The following GTF2IRD2B variants were observed in gnomAD, a reference collection of about 807,000 sequenced individuals.
The protein encoded by GTF2IRD2B is general transcription factor II-I repeat domain-containing protein 2B.
A neutral mutation model predicts 55.6 loss-of-function variants in GTF2IRD2B; 10 were observed. The ratio of observed to expected loss-of-function variants is 0.18; its 90% CI spans 0.11 to 0.31. GTF2IRD2B has a LOEUF of 0.31. Ranked by LOEUF, GTF2IRD2B falls within the 10% of genes least tolerant of loss-of-function variation. The pLI is 1.00. For missense variants in GTF2IRD2B, 206 were observed against 802.7 expected (o/e 0.26, Z 8.98); for synonymous variants, 107 against 320.5 (o/e 0.33, Z 7.12).
chr7:75,123,915 G>A (rs1584539321), intron 6 of GTF2IRD2B: 1 of 334,452 alleles, frequency 3.0e-6, no homozygotes, highest in Admixed American at 4.1e-5. Context: ...GTGAGGGGAG[G>A]GAACTTAGAG....
chr7:75,138,456 G>A (rs1808918168), intron 11 of GTF2IRD2B, among the ~76,000 whole-genome samples: 1 of 149,354 alleles, frequency 6.7e-6, no homozygotes, highest in East Asian at 1.9e-4. Context: ...GAGGTCAGGA[G>A]TTCTCAACCA....
At chr7:75,115,434 T>TTTTTG (rs1554451202) in intron 3 of GTF2IRD2B, among the ~76,000 whole-genome samples, 26 of 143,264 alleles carry the variant, frequency 1.8e-4, no homozygotes, top group African/African-American at 6.4e-4. Flanking sequence ...TTTTATTTTT[T>TTTTTG]TTTTTTTGAG....
intron 1 of GTF2IRD2B, among the ~76,000 whole-genome samples, chr7:75,105,269 C>T (rs1349203228): frequency 6.7e-4 from 102 of 152,368 alleles, no homozygotes; most frequent in Middle Eastern, 3.4e-3. Flanking sequence ...TTTAGGAGGC[C>T]GAGGCGGGCG....
chr7:75,126,725 G>A (rs1414433293), intron 8 of GTF2IRD2B, among the ~76,000 whole-genome samples: 3 of 148,036 alleles, frequency 2.0e-5, no homozygotes, highest in African/African-American at 7.4e-5. Flanking sequence ...GGCTGCGCAC[G>A]GTGGATCACG....
intron 1 of GTF2IRD2B, among the ~76,000 whole-genome samples, chr7:75,103,433 C>T (rs1554449769): frequency 2.0e-5 from 3 of 150,940 alleles, no homozygotes; most frequent in Admixed American, 6.6e-5. Flanking sequence ...CTGCCTGGCC[C>T]GATGCCTCCT....
chr7:75,096,865 G>T, intron 1 of GTF2IRD2B, among the ~76,000 whole-genome samples: 1 of 136,574 alleles, frequency 7.3e-6, no homozygotes, highest in Non-Finnish European at 1.6e-5. Flanking sequence ...GCGGCTCAGT[G>T]TGGTGGCTCA....
intron 8 of GTF2IRD2B, among the ~76,000 whole-genome samples, chr7:75,131,847 AGACTCT>A (rs1343666836): frequency 8.1e-6 from 1 of 122,908 alleles, no homozygotes; most frequent in Admixed American, 7.8e-5. Context: ...CAACAGAGCA[AGACTCT>A]GTCTCAAAAA....
At chr7:75,118,345 G>A (rs1167084710) in intron 3 of GTF2IRD2B, among the ~76,000 whole-genome samples, 34 of 150,948 alleles carry the variant, frequency 2.3e-4, no homozygotes, top group Admixed American at 2.6e-4. Context: ...ATTTCCACCA[G>A]CACCCCCAGA....
intron 4 of GTF2IRD2B, among the ~76,000 whole-genome samples, 181 bp from the exon 5 acceptor site, chr7:75,122,955 C>G (rs1470020324): frequency 6.7e-6 from 1 of 149,982 alleles, no homozygotes; most frequent in South Asian, 2.1e-4. Context: ...GAGGCTGAGG[C>G]AGGAGAATTG....
intron 3 of GTF2IRD2B, among the ~76,000 whole-genome samples, chr7:75,117,950 G>T (rs1308580030): frequency 3.3e-5 from 5 of 152,118 alleles, no homozygotes; most frequent in African/African-American, 1.2e-4. Context: ...GGGTGTGGTG[G>T]CATGCACCTG....
intron 3 of GTF2IRD2B, among the ~76,000 whole-genome samples, chr7:75,113,783 T>TGA: frequency 1.0e-5 from 1 of 99,522 alleles, no homozygotes; most frequent in East Asian, 2.6e-4. Context: ...GGTATAAGGG[T>TGA]GTGTGTGTGT....
intron 1 of GTF2IRD2B, among the ~76,000 whole-genome samples, chr7:75,093,590 G>A (rs1347832807): frequency 3.9e-5 from 6 of 152,194 alleles, no homozygotes; most frequent in African/African-American, 1.4e-4. Context: ...CCCAGCCCCT[G>A]GCAATCACTT....
At chr7:75,107,748 T>A (rs1248416285) in intron 1 of GTF2IRD2B, among the ~76,000 whole-genome samples, 1 of 5,300 alleles carries the variant, frequency 1.9e-4, no homozygotes, top group African/African-American at 4.5e-4. Flanking sequence ...TGGGAGCCTA[T>A]AATCCCAGCT....
At chr7:75,116,905 A>G (rs1808178056) in intron 3 of GTF2IRD2B, among the ~76,000 whole-genome samples, 1 of 151,454 alleles carries the variant, frequency 6.6e-6, no homozygotes, top group Non-Finnish European at 1.5e-5. Context: ...TCCGCCTCCC[A>G]AAGTGCTGGG....
intron 1 of GTF2IRD2B, among the ~76,000 whole-genome samples, chr7:75,105,679 C>T (rs1381984912): frequency 1.4e-4 from 22 of 152,288 alleles, no homozygotes; most frequent in African/African-American, 7.2e-5. Flanking sequence ...AAGGGATCCT[C>T]GAGTGTCTTC....
intron 1 of GTF2IRD2B, among the ~76,000 whole-genome samples, chr7:75,105,823 T>C (rs1807780692): frequency 6.6e-6 from 1 of 152,308 alleles, no homozygotes; most frequent in East Asian, 1.9e-4. Context: ...ACTTATTTCT[T>C]GGTTGCACTA....
chr7:75,115,150 T>C (rs1808100827), intron 3 of GTF2IRD2B, among the ~76,000 whole-genome samples: 1 of 135,602 alleles, frequency 7.4e-6, no homozygotes, highest in Non-Finnish European at 1.6e-5. Context: ...TTACCCAGTC[T>C]GGTCATAAAT....
chr7:75,138,203 A>ACTTG (rs1554453710), intron 11 of GTF2IRD2B, among the ~76,000 whole-genome samples: 445 of 80,114 alleles, frequency 5.6e-3, no homozygotes, highest in Non-Finnish European at 6.5e-3. Context: ...TTGAAGTGCA[A>ACTTG]GTATCTAAAG....
chr7:75,127,091 CAAATAAAT>C (rs781877232), intron 8 of GTF2IRD2B, among the ~76,000 whole-genome samples: 17 of 149,104 alleles, frequency 1.1e-4, no homozygotes, highest in Middle Eastern at 3.5e-3. Context: ...TTTGTTTTAT[CAAATAAAT>C]AAATAAATAA....
Sources: allele counts gnomAD v4.1 joint callset (sites outside exome capture counted in the v4.1 genomes callset), GRCh38; gene constraint gnomAD v4.1.1; transcripts MANE v1.5; gene names NCBI Gene and HGNC (gene_info 2026-07-23, HGNC 2026-07-21).